The following LRRC53 variants were observed in gnomAD, a reference collection of about 807,000 sequenced individuals.
The protein encoded by LRRC53 is leucine rich repeat containing 53.
In LRRC53, 25 loss-of-function variants were observed where a neutral mutation model predicts 13.6. The observed-to-expected ratio is 1.83, with a 90% CI of 1.34 to 2.56. The LOEUF (loss-of-function observed/expected upper bound fraction) is 2.56. LRRC53 is among the 30% of genes most tolerant of loss of function. The pLI, the probability that LRRC53 is intolerant of heterozygous loss-of-function variation, is 0.00. For synonymous variants in LRRC53, 204 were observed against 109.8 expected, an observed-to-expected ratio of 1.86 and a Z score of -5.37; for missense variants, 527 against 275.8, an observed-to-expected ratio of 1.91 and a Z score of -6.45.
chr1:74,487,869 G>A (rs989683601), intron 1 of LRRC53, among the ~76,000 whole-genome samples: 2 of 152,088 alleles, frequency 1.3e-5, no homozygotes, highest in African/African-American at 2.4e-5. Flanking sequence ...AGGAAGTGAG[G>A]TAGAGAGAAA....
chr1:74,514,626 C>T (rs1316016257), upstream of LRRC53, among the ~76,000 whole-genome samples: 2 of 152,080 alleles, frequency 1.3e-5, no homozygotes, highest in African/African-American at 4.8e-5. Context: ...CAGGAAACAT[C>T]TTCTGAGATA....
intron 1 of LRRC53, chr1:74,491,982 A>C: frequency 7.4e-7 from 1 of 1,351,806 alleles, no homozygotes. Flanking sequence ...AAGCTGAGTG[A>C]ATAGAAATTA....
At chr1:74,529,985 G>A in the LRRC53 span, among the ~76,000 whole-genome samples, 1 of 152,052 alleles carries the variant, frequency 6.6e-6, no homozygotes, top group East Asian at 1.9e-4. Context: ...CTTGTTTTGA[G>A]GCAGGGTCTT....
the LRRC53 span, among the ~76,000 whole-genome samples, chr1:74,530,606 G>A: frequency 1.3e-5 from 2 of 152,154 alleles, no homozygotes; most frequent in Non-Finnish European, 2.9e-5. Context: ...TATATGAACT[G>A]GGATAGGTTA....
rs1667924855 is a variant in LRRC53 at position 74,471,377 on chromosome 1, G to A, written c.2245C>T (p.Pro749Ser). Reference sequence around the variant, plus strand: ...TCAGAAGTTTTGGATAATTTCTTAGGAGGCAACAATACCTGCTTGCATTGC... The same window carrying A: ...TCAGAAGTTTTGGATAATTTCTTAGAAGGCAACAATACCTGCTTGCATTGC... ...PKQCKQVLLPPKKLSKTSETE... is the reference protein window; with the variant it reads ...PKQCKQVLLPSKKLSKTSETE... Residue 749 changes from proline (P) to serine (S), a missense_variant, in exon 5 of 5, where the codon CCT (proline) becomes TCT (serine). By Grantham distance (74) the Pro-to-Ser change is moderately conservative (BLOSUM62 -1). Coordinates refer to ENST00000294635, the MANE Select transcript of LRRC53 (RefSeq NM_001382280.1). 7.5e-6 allele frequency: 3 copies of A among 400,566 alleles called. No homozygotes were observed. Among genetic ancestry groups the A allele is most frequent in the South Asian group, 1.3e-4 (1 of 7,950 alleles). 24.8% of individuals were successfully genotyped at this position (400,566 alleles called of 1,614,324 possible).
the LRRC53 span, among the ~76,000 whole-genome samples, chr1:74,525,474 C>T: frequency 1.3e-5 from 2 of 152,194 alleles, no homozygotes; most frequent in African/African-American, 4.8e-5. Flanking sequence ...TCCCTGACCA[C>T]TTGGCCAACT....
At chr1:74,497,050 G>T (rs1393185935) in intron 1 of LRRC53, among the ~76,000 whole-genome samples, 2 of 152,154 alleles carry the variant, frequency 1.3e-5, no homozygotes, top group African/African-American at 4.8e-5. Flanking sequence ...CACTACAAAA[G>T]GGTCCATCAA....
intron 1 of LRRC53, among the ~76,000 whole-genome samples, chr1:74,506,566 G>A (rs1434287721): frequency 6.6e-6 from 1 of 152,174 alleles, no homozygotes; most frequent in Non-Finnish European, 1.5e-5. Context: ...TGAGGCATTT[G>A]AATTGGATGC....
chr1:74,518,751 C>T, the LRRC53 span, among the ~76,000 whole-genome samples: 1 of 151,774 alleles, frequency 6.6e-6, no homozygotes, highest in Non-Finnish European at 1.5e-5. Context: ...AATTTATTTC[C>T]ATAAGTAAAG....
At chr1:74,531,304 C>T in the LRRC53 span, among the ~76,000 whole-genome samples, 1 of 152,174 alleles carries the variant, frequency 6.6e-6, no homozygotes, top group Non-Finnish European at 1.5e-5. Flanking sequence ...GCTTTGAAAA[C>T]AGCCAGGATG....
At chr1:74,532,899 G>C in the LRRC53 span, among the ~76,000 whole-genome samples, 9 of 152,002 alleles carry the variant, frequency 5.9e-5, no homozygotes, top group African/African-American at 2.2e-4. Context: ...CCTCACACCT[G>C]ATACAAAAAT....
At chr1:74,474,426 A>G (rs1668089797) in intron 4 of LRRC53, among the ~76,000 whole-genome samples, 1 of 152,106 alleles carries the variant, frequency 6.6e-6, no homozygotes, top group Admixed American at 6.6e-5. Context: ...AACATACGTG[A>G]AATAACATAT....
intron 1 of LRRC53, among the ~76,000 whole-genome samples, chr1:74,494,877 G>C (rs1669249010): frequency 6.6e-6 from 1 of 152,112 alleles, no homozygotes; most frequent in Admixed American, 6.6e-5. Flanking sequence ...AAGAATATAG[G>C]TCCAAAAATG....
chr1:74,529,343 A>G, the LRRC53 span, among the ~76,000 whole-genome samples: 1 of 152,196 alleles, frequency 6.6e-6, no homozygotes, highest in African/African-American at 2.4e-5. Context: ...CATAATTTGA[A>G]TCTAATCATT....
intron 1 of LRRC53, among the ~76,000 whole-genome samples, chr1:74,489,593 G>A (rs1287297713): frequency 6.6e-6 from 1 of 152,140 alleles, no homozygotes; most frequent in Non-Finnish European, 1.5e-5. Flanking sequence ...TCTTCATACA[G>A]AGATTTGTAA....
intron 1 of LRRC53, among the ~76,000 whole-genome samples, chr1:74,486,201 A>AGAGAGAGAGAGAGAGAGAGAGAGAGAG (rs1668751420): frequency 7.3e-6 from 1 of 136,412 alleles, no homozygotes; most frequent in African/African-American, 2.6e-5. Context: ...AAATGCTATA[A>AGAGAGAGAGAGAGAGAGAGAGAGAGAG]AGAGAGAGAG....
chr1:74,489,819 G>A (rs557122875), intron 1 of LRRC53, among the ~76,000 whole-genome samples: 1 of 152,130 alleles, frequency 6.6e-6, no homozygotes, highest in Non-Finnish European at 1.5e-5. Flanking sequence ...TCAAGAGATA[G>A]CATTTCAAAA....
Position 74,470,158 on chromosome 1 carries a change from C to A in LRRC53, c.3464G>T (p.Cys1155Phe). Reference protein sequence around the residue: ...SSHETQNRILCSEVDPEVNSN... With the variant: ...SSHETQNRILFSEVDPEVNSN... Reference sequence around the variant, plus strand: ...GTTAACTTCAGGATCTACTTCACTGCAAAGTATTCTATTTTGGGTTTCATG... The same window carrying A: ...GTTAACTTCAGGATCTACTTCACTGAAAAGTATTCTATTTTGGGTTTCATG... Residue 1155 changes from cysteine to phenylalanine, a missense_variant, in exon 5 of 5, where the codon TGC becomes TTC. Transcript: ENST00000294635. 2.5e-6 allele frequency: 1 copy of A among 400,662 alleles called. No individual in the cohort carries two copies. Among genetic ancestry groups the A allele is most frequent in the Non-Finnish European group, 4.4e-6 (1 of 226,156 alleles). 24.8% of individuals were successfully genotyped at this position (400,662 alleles called of 1,614,324 possible).
intron 1 of LRRC53, among the ~76,000 whole-genome samples, chr1:74,508,053 G>A (rs1377430316): frequency 3.3e-5 from 5 of 152,142 alleles, no homozygotes; most frequent in African/African-American, 4.8e-5. Context: ...ATACAATGAC[G>A]GGCACACGAC....
Sources: gnomAD v4.1 joint callset for allele counts (sites outside exome capture counted in the v4.1 genomes callset) on GRCh38, gnomAD v4.1.1 for gene constraint, MANE v1.5 for transcripts, NCBI Gene and HGNC (gene_info 2026-07-23, HGNC 2026-07-21) for gene names.